The following MYO6 variants were observed in gnomAD, a reference collection of about 807,000 sequenced individuals.
MYO6 encodes the protein unconventional myosin-VI.
MYO6 carries 74 observed loss-of-function variants against 178.7 expected under a neutral mutation model. That is an observed-to-expected ratio of 0.41 (90% CI 0.34 to 0.50). The LOEUF (loss-of-function observed/expected upper bound fraction) is 0.50. Among genes scored for constraint, MYO6 ranks in the 20% least tolerant of loss-of-function variants. The pLI is 0.09. For synonymous variants in MYO6, 477 were observed against 504.6 expected, an observed-to-expected ratio of 0.95 and a Z score of 0.73; for missense variants, 1,330 against 1,547.4, an observed-to-expected ratio of 0.86 and a Z score of 2.36.
intron 11 of MYO6, among the ~76,000 whole-genome samples, chr6:75,852,940 C>G (rs1775406576): frequency 6.6e-6 from 1 of 152,168 alleles, no homozygotes; most frequent in Admixed American, 6.5e-5. Flanking sequence ...AGCAGCTTTT[C>G]CACTTTACAA....
At chr6:75,870,436 G>A (rs1777053991) in intron 18 of MYO6, among the ~76,000 whole-genome samples, 1 of 151,998 alleles carries the variant, frequency 6.6e-6, no homozygotes, top group Non-Finnish European at 1.5e-5. Flanking sequence ...TACAACTTCT[G>A]TGTAAGTTAT....
At chr6:75,756,716 A>T (rs904252712) in intron 1 of MYO6, among the ~76,000 whole-genome samples, 1 of 152,084 alleles carries the variant, frequency 6.6e-6, no homozygotes, top group Non-Finnish European at 1.5e-5. Context: ...TAGCTCAATC[A>T]CTGTGTCACC....
intron 1 of MYO6, among the ~76,000 whole-genome samples, chr6:75,812,463 A>G (rs974788865): frequency 1.3e-5 from 2 of 152,276 alleles, no homozygotes; most frequent in Non-Finnish European, 2.9e-5. Flanking sequence ...ACAACGATCC[A>G]AGTATACTAT....
intron 11 of MYO6, among the ~76,000 whole-genome samples, chr6:75,853,917 A>T (rs1775508496): frequency 6.7e-6 from 1 of 148,672 alleles, no homozygotes; most frequent in Non-Finnish European, 1.5e-5. Flanking sequence ...CTAAATAGCA[A>T]CCATGTAAGG....
At position 75,768,290 on chromosome 6, in the gene MYO6, T is replaced by A. The variant is rs533344606; in HGVS notation, c.-48+18867T>A. The A allele has an allele frequency of 9.9e-5, 15 of 152,268 alleles. No individual in the cohort carries two copies. In the South Asian group the frequency reaches 3.1e-3, roughly 32 times the overall value. The allele number at this position is 152,268 out of a possible 1,614,324, so 9.4% of individuals were successfully genotyped here. A position where few individuals can be genotyped will look rare whatever the true frequency, so the allele number is the denominator to read the frequency against. On this transcript the variant is annotated intron_variant, in intron 1 of 34. Coordinates refer to ENST00000369977, the MANE Select transcript of MYO6 (RefSeq NM_004999.4). The stretch of plus-strand genomic sequence containing the variant: ...AATTTAAATACAAGATTTTAAAAAA[T>A]TTCACAAAAGAGTTTTCCTCCAAGT...
chr6:75,845,601 G>C (rs1316893187), intron 10 of MYO6, among the ~76,000 whole-genome samples: 2 of 151,996 alleles, frequency 1.3e-5, no homozygotes, highest in African/African-American at 4.8e-5. Flanking sequence ...GGCTAAAGTG[G>C]GAGGATTGCT....
chr6:75,868,668 T>C (rs535669754), intron 18 of MYO6, among the ~76,000 whole-genome samples: 2 of 152,254 alleles, frequency 1.3e-5, no homozygotes, highest in Admixed American at 1.3e-4. Flanking sequence ...TAGGAATAGA[T>C]TCCTAGTTTT....
At chr6:75,845,031 A>C in intron 10 of MYO6, 54 bp downstream of exon 10, 1 of 1,393,052 alleles carries the variant, frequency 7.2e-7, no homozygotes, top group South Asian at 1.2e-5. Flanking sequence ...ACTCATGCTG[A>C]AAGATGTGTT....
intron 23 of MYO6, among the ~76,000 whole-genome samples, chr6:75,884,436 G>A (rs571989469): frequency 6.6e-6 from 1 of 152,274 alleles, no homozygotes; most frequent in East Asian, 1.9e-4. Flanking sequence ...TAGCAGTGTA[G>A]CATACTAAGG....
intron 11 of MYO6, 144 bp from the exon 12 acceptor site, chr6:75,854,995 A>G: frequency 2.7e-6 from 2 of 735,546 alleles, no homozygotes; most frequent in Admixed American, 2.4e-5. Context: ...AGGATAGTGA[A>G]AAAGTGAGGT....
intron 30 of MYO6, among the ~76,000 whole-genome samples, chr6:75,905,032 C>T (rs562643589): frequency 1.9e-4 from 29 of 152,266 alleles, no homozygotes; most frequent in Admixed American, 5.2e-4. Flanking sequence ...CCCAGTTAGG[C>T]TGCTTAGGGG....
At chr6:75,889,563 A>G (rs1778738338) in intron 25 of MYO6, among the ~76,000 whole-genome samples, 1 of 152,154 alleles carries the variant, frequency 6.6e-6, no homozygotes, top group Non-Finnish European at 1.5e-5. Context: ...GTGTACCACC[A>G]TGCCCAGCTA....
intron 30 of MYO6, among the ~76,000 whole-genome samples, chr6:75,907,307 A>C (rs1038088963): frequency 6.6e-6 from 1 of 152,182 alleles, no homozygotes; most frequent in African/African-American, 2.4e-5. Context: ...GTGTTCGTAT[A>C]TATATTAGTA....
chr6:75,844,948 C>A lies in MYO6; in HGVS notation c.868C>A (p.Gln290Lys), dbSNP rs781188747. Residue 290 changes from glutamine (Q) to lysine (K), a missense_variant, in exon 10 of 35, where the codon CAG (glutamine) becomes AAG (lysine). Around this residue, in one of 3 missense-constraint regions of MYO6, gnomAD observed 613 missense variants for 816.8 expected, o/e 0.75. Coordinates refer to ENST00000369977, the MANE Select transcript of MYO6 (RefSeq NM_004999.4). ...CTTTGCTAACAAAGAAACTGACAAA[C>A]AGATTTTACAGAACCGCAAAAGTCC... Reference protein sequence around the residue: ...RYFANKETDKQILQNRKSPEY... With the variant: ...RYFANKETDKKILQNRKSPEY... 1.2e-6 allele frequency: 2 copies of A among 1,613,312 alleles called. No homozygotes were observed. Among genetic ancestry groups the A allele is most frequent in the Non-Finnish European group, 1.7e-6 (2 of 1,179,524 alleles).
In MYO6 at chr6:75,862,282, C is replaced by T. The variant is rs114602332; in HGVS notation, c.1547-314C>T. On this transcript the variant is annotated intron_variant, in intron 15 of 34. Transcript: ENST00000369977. ...TTTACTTTGAATATAGCTGTCATTT[C>T]GAAAAGGAGGAATTTCCAATTCCTT... 0.015 allele frequency among the ~76,000 whole-genome samples: 2,291 copies of T among 152,238 alleles called. 60 individuals carry two copies. Among genetic ancestry groups the T allele is most frequent in the African/African-American group, 0.052 (2,170 of 41,528 alleles).
intron 7 of MYO6, among the ~76,000 whole-genome samples, chr6:75,838,169 C>T (rs1214976000): frequency 3.3e-5 from 5 of 151,760 alleles, no homozygotes; most frequent in African/African-American, 1.2e-4. Context: ...AGCGCTGCTT[C>T]ATCCTACCGA....
intron 7 of MYO6, among the ~76,000 whole-genome samples, chr6:75,838,094 C>T (rs1021479886): frequency 2.0e-5 from 3 of 151,284 alleles, no homozygotes; most frequent in Admixed American, 6.6e-5. Flanking sequence ...ACTCTGTCGC[C>T]GAGTCTGGAG....
At chr6:75,762,317 G>A (rs1432151157) in intron 1 of MYO6, among the ~76,000 whole-genome samples, 1 of 152,140 alleles carries the variant, frequency 6.6e-6, no homozygotes, top group Non-Finnish European at 1.5e-5. Context: ...TAATTCTCAC[G>A]TTGACCCTAT....
chr6:75,914,080 G>C lies in MYO6; in HGVS notation c.3457G>C (p.Ala1153Pro), dbSNP rs770510190. The change falls in exon 34 of 35, where the codon GCT (alanine) becomes CCT (proline). Residue 1153 changes from alanine (A) to proline (P), a missense_variant. Ala to Pro is a conservative substitution (Grantham distance 27, BLOSUM62 -1). This residue lies in a region of MYO6 where 601 missense variants were observed against 626.1 expected (regional missense o/e 0.96). Coordinates refer to ENST00000369977, the MANE Select transcript of MYO6 (RefSeq NM_004999.4). ...LNNSPQQNPA[A>P]QIPARQREIE... ...TGTAATAGCTCAGCAAAACCCAGCA[G>C]CTCAGATTCCTGCCAGGCAGCGGGA... 1 of 1,614,096 alleles carries C rather than the reference G, an allele frequency of 6.2e-7. No individual in the cohort carries two copies. The highest frequency in any genetic ancestry group is 8.5e-7 in the Non-Finnish European group (1 of 1,180,020).
Sources: allele counts gnomAD v4.1 joint callset (sites outside exome capture counted in the v4.1 genomes callset), GRCh38; gene constraint gnomAD v4.1.1; regional missense constraint gnomAD v4.1.1; transcripts MANE v1.5; gene names NCBI Gene and HGNC (gene_info 2026-07-23, HGNC 2026-07-21).